Variants in NAALADL2 observed in about 807,000 individuals in gnomAD.
NAALADL2 encodes inactive N-acetylated-alpha-linked acidic dipeptidase-like protein 2.
In NAALADL2, 76 loss-of-function variants were observed where a neutral mutation model predicts 87.2. That is an observed-to-expected ratio of 0.87 (90% CI 0.72 to 1.05). The LOEUF is 1.05. NAALADL2 is among the 50% of genes least tolerant of loss of function. NAALADL2 has a pLI of 0.00. For synonymous variants in NAALADL2, 354 were observed against 331.0 expected, an observed-to-expected ratio of 1.07 and a Z score of -0.75; for missense variants, 1,089 against 945.8, an observed-to-expected ratio of 1.15 and a Z score of -1.99.
chr3:175,677,401 C>G (rs1340787653), intron 11 of NAALADL2, among the ~76,000 whole-genome samples: 1 of 150,950 alleles, frequency 6.6e-6, no homozygotes, highest in Non-Finnish European at 1.5e-5. Context: ...AACTGCTTGC[C>G]TATTTTTTTA....
At chr3:175,589,704 T>C (rs1263452466) in intron 10 of NAALADL2, among the ~76,000 whole-genome samples, 2 of 151,776 alleles carry the variant, frequency 1.3e-5, no homozygotes, top group African/African-American at 4.8e-5. Context: ...ATTTTTAGAA[T>C]TGATATTTGT....
At chr3:174,972,147 C>T (rs1743772185) in intron 1 of NAALADL2, among the ~76,000 whole-genome samples, 1 of 152,128 alleles carries the variant, frequency 6.6e-6, no homozygotes, top group African/African-American at 2.4e-5. Flanking sequence ...CTGTCTAGCC[C>T]CATAGGCCTT....
chr3:175,023,832 G>T (rs542534684), intron 1 of NAALADL2, among the ~76,000 whole-genome samples: 1 of 152,014 alleles, frequency 6.6e-6, no homozygotes, highest in Non-Finnish European at 1.5e-5. Flanking sequence ...TGAGATGTCT[G>T]TTTGGGCTCC....
rs1734297658 is a variant in NAALADL2, at chr3:174,915,787, A to T, written c.43+56337A>T. Among the ~76,000 whole-genome samples the T allele has an allele frequency of 2.6e-5, 4 of 152,222 alleles. No individual in the cohort carries two copies. The South Asian group carries it at 8.3e-4, about 32-fold the overall frequency. On this transcript the variant is annotated intron_variant, in intron 1 of 13. Transcript: ENST00000454872. Reference sequence around the variant, plus strand: ...CATTATATTTCATTTGAAAAAGTGCAGGAAAACTCTTCTGGACATTGGCTT... The same window carrying T: ...CATTATATTTCATTTGAAAAAGTGCTGGAAAACTCTTCTGGACATTGGCTT...
chr3:175,459,101 A>G (rs1436456418), intron 6 of NAALADL2, among the ~76,000 whole-genome samples: 1 of 152,136 alleles, frequency 6.6e-6, no homozygotes, highest in African/African-American at 2.4e-5. Flanking sequence ...CCTGAGGTCC[A>G]CAACCACCAT....
chr3:175,320,230 A>C, intron 4 of NAALADL2, among the ~76,000 whole-genome samples: 1 of 152,240 alleles, frequency 6.6e-6, no homozygotes, highest in East Asian at 1.9e-4. Flanking sequence ...TAAGCTTTTT[A>C]CAAAAAAAAA....
At chr3:175,080,259 C>G (rs1287444481) in intron 1 of NAALADL2, among the ~76,000 whole-genome samples, 1 of 152,148 alleles carries the variant, frequency 6.6e-6, no homozygotes, top group African/African-American at 2.4e-5. Flanking sequence ...CCACTGTGCC[C>G]GGCGAACTAT....
intron 1 of NAALADL2, among the ~76,000 whole-genome samples, chr3:174,531,792 G>A (rs949268257): frequency 6.6e-5 from 10 of 152,002 alleles, no homozygotes; most frequent in Non-Finnish European, 1.3e-4. Context: ...CTGGGCCTAC[G>A]GATTACCTGT....
chr3:175,359,702 C>T (rs1180685446), intron 5 of NAALADL2, among the ~76,000 whole-genome samples: 3 of 152,036 alleles, frequency 2.0e-5, no homozygotes, highest in African/African-American at 4.8e-5. Flanking sequence ...AAGCACTACA[C>T]TCCTCAAAGA....
At chr3:175,245,990 G>A (rs1747902485) in intron 3 of NAALADL2, among the ~76,000 whole-genome samples, 1 of 152,122 alleles carries the variant, frequency 6.6e-6, no homozygotes, top group African/African-American at 2.4e-5. Flanking sequence ...CACAGGAGTG[G>A]GGGAAGGCAG....
intron 2 of NAALADL2, among the ~76,000 whole-genome samples, chr3:174,590,738 G>C (rs1395449183): frequency 1.3e-5 from 2 of 152,042 alleles, no homozygotes; most frequent in African/African-American, 4.8e-5. Context: ...CAGTAAAACA[G>C]GCACAGTAAC....
At chr3:174,867,715 C>T (rs1005006458) in intron 1 of NAALADL2, among the ~76,000 whole-genome samples, 2 of 151,810 alleles carry the variant, frequency 1.3e-5, no homozygotes, top group African/African-American at 4.8e-5. Context: ...ATGATCAGTA[C>T]AAAACAAAAT....
At chr3:175,423,623 T>G (rs1217477911) in intron 5 of NAALADL2, among the ~76,000 whole-genome samples, 1 of 152,164 alleles carries the variant, frequency 6.6e-6, no homozygotes, top group Non-Finnish European at 1.5e-5. Context: ...AACATAGTAT[T>G]CCATGGTGTG....
At chr3:174,967,371 CAA>C (rs58590340) in intron 1 of NAALADL2, among the ~76,000 whole-genome samples, 3,426 of 126,260 alleles carry the variant, frequency 0.027, 96 homozygotes, top group African/African-American at 0.084. Flanking sequence ...TGGTGGATTG[CAA>C]AAAAAAAAAA....
At chr3:175,263,012 AAC>A (rs1751339359) in intron 4 of NAALADL2, among the ~76,000 whole-genome samples, 1 of 151,342 alleles carries the variant, frequency 6.6e-6, no homozygotes, top group Non-Finnish European at 1.5e-5. Context: ...AAAAAAAAAA[AAC>A]AAAAAACAAT....
intron 1 of NAALADL2, among the ~76,000 whole-genome samples, chr3:175,030,699 T>G (rs1167031901): frequency 6.6e-6 from 1 of 152,036 alleles, no homozygotes; most frequent in East Asian, 1.9e-4. Context: ...AAATCAGATA[T>G]AAGAAAATTA....
chr3:175,439,192 A>C (rs1719269761), intron 5 of NAALADL2, among the ~76,000 whole-genome samples: 1 of 151,890 alleles, frequency 6.6e-6, no homozygotes, highest in Non-Finnish European at 1.5e-5. Context: ...TGTTCCTTTC[A>C]TTGTTGAGTA....
intron 2 of NAALADL2, among the ~76,000 whole-genome samples, chr3:174,582,384 CT>C (rs768451982): frequency 6.6e-6 from 1 of 152,226 alleles, no homozygotes; most frequent in East Asian, 1.9e-4. Flanking sequence ...AATTTGCACA[CT>C]GTATTACCGG....
At chr3:174,799,496 G>T (rs1718554031) in intron 3 of NAALADL2, among the ~76,000 whole-genome samples, 1 of 152,132 alleles carries the variant, frequency 6.6e-6, no homozygotes, top group South Asian at 2.1e-4. Context: ...TGCCATCCAT[G>T]TAAGATGTGA....
Sources: gnomAD v4.1 joint callset for allele counts (sites outside exome capture counted in the v4.1 genomes callset) on GRCh38, gnomAD v4.1.1 for gene constraint, MANE v1.5 for transcripts, NCBI Gene and HGNC (gene_info 2026-07-23, HGNC 2026-07-21) for gene names.